Variants in TJP1 observed in about 807,000 individuals in gnomAD.
TJP1 encodes tight junction protein 1.
In TJP1, 43 loss-of-function variants were observed where a neutral mutation model predicts 194.2. The observed-to-expected ratio is 0.22, with a 90% CI of 0.17 to 0.29. The LOEUF is 0.29. Among genes scored for constraint, TJP1 ranks in the 10% least tolerant of loss-of-function variants. The pLI is 1.00. For synonymous variants in TJP1, 801 were observed against 779.0 expected, an observed-to-expected ratio of 1.03 and a Z score of -0.47; for missense variants, 1,971 against 2,185.7, an observed-to-expected ratio of 0.90 and a Z score of 1.96.
chr15:29,932,616 T>G, intron 2 of TJP1, among the ~76,000 whole-genome samples: 1 of 152,090 alleles, frequency 6.6e-6, no homozygotes, highest in Admixed American at 6.5e-5. Flanking sequence ...AAAAGACTGA[T>G]AAAATGACTA....
intron 2 of TJP1, 78 bp downstream of exon 2, chr15:29,800,568 T>C: frequency 1.4e-6 from 2 of 1,441,414 alleles, no homozygotes; most frequent in Non-Finnish European, 1.9e-6. Flanking sequence ...CTTCCTGACA[T>C]CTGGCTTTCC....
chr15:29,846,414 G>A (rs1219549630), intron 2 of TJP1, among the ~76,000 whole-genome samples: 1 of 152,052 alleles, frequency 6.6e-6, no homozygotes, highest in Non-Finnish European at 1.5e-5. Flanking sequence ...GAAAGCTTTC[G>A]GTTAATAACT....
intron 1 of TJP1, among the ~76,000 whole-genome samples, chr15:29,801,048 C>T (rs2048749694): frequency 6.6e-6 from 1 of 152,186 alleles, no homozygotes; most frequent in Non-Finnish European, 1.5e-5. Context: ...GGCACGTAAA[C>T]ATTTAAAAGC....
chr15:29,841,369 T>C (rs939642904), intron 2 of TJP1, among the ~76,000 whole-genome samples: 1 of 152,244 alleles, frequency 6.6e-6, no homozygotes, highest in Admixed American at 6.5e-5. Context: ...CTTGTTCATA[T>C]GTTTACAAAC....
intron 2 of TJP1, among the ~76,000 whole-genome samples, chr15:29,937,514 T>C (rs1423126285): frequency 6.6e-6 from 1 of 152,152 alleles, no homozygotes; most frequent in Non-Finnish European, 1.5e-5. Flanking sequence ...AAGCAACTAG[T>C]TCTAAAGTAA....
chr15:29,853,970 G>A (rs1464612580), intron 2 of TJP1, among the ~76,000 whole-genome samples: 2 of 152,052 alleles, frequency 1.3e-5, no homozygotes, highest in East Asian at 1.9e-4. Flanking sequence ...TACTTTCACC[G>A]CATCACCACT....
Position 29,719,992 on chromosome 15 carries a change from G to C in TJP1, c.2788C>G (p.Pro930Ala), listed in dbSNP as rs372514390. 6.2e-7 allele frequency: 1 copy of C among 1,611,170 alleles called. No homozygotes were observed. Among genetic ancestry groups the C allele is most frequent in the African/African-American group, 1.3e-5 (1 of 74,734 alleles). The change falls in exon 20 of 28, where the codon CCT becomes GCT. Residue 930 changes from proline (P) to alanine (A), a missense_variant. Pro to Ala is a conservative substitution (Grantham distance 27, BLOSUM62 -1). Transcript: ENST00000614355. ...GGGTTTGTTTCAGGCGAAAGGTAAG[G>C]GACTGGAGATGAAGCTTCTGCTTTC... Reference protein sequence around the residue: ...QQKAEASSPVPYLSPETNPAS... With the variant: ...QQKAEASSPVAYLSPETNPAS...
Position 29,772,047 on chromosome 15 carries a change from A to G in TJP1, c.312+17T>C. 5.3e-6 allele frequency: 8 copies of G among 1,523,080 alleles called. No homozygotes were observed. The highest frequency in any genetic ancestry group is 6.3e-6 in the Non-Finnish European group (7 of 1,113,932). 94.3% of individuals were successfully genotyped at this position (1,523,080 alleles called of 1,614,324 possible). ...AGTTGGGGTACCTTTACTAAATTAC[A>G]GAGAAAAGATACTTACAATTTTTGC... On this transcript the variant is annotated intron_variant, in intron 4 of 27. Coordinates refer to ENST00000614355, the MANE Select transcript of TJP1 (RefSeq NM_001330239.4).
intron 2 of TJP1, among the ~76,000 whole-genome samples, chr15:29,919,503 C>T (rs559802232): frequency 6.6e-6 from 1 of 152,062 alleles, no homozygotes; most frequent in Non-Finnish European, 1.5e-5. Flanking sequence ...CATTCTAAGG[C>T]GGGAGAGGGA....
chr15:29,762,357 T>C lies in TJP1; in HGVS notation c.671A>G (p.Gln224Arg), dbSNP rs369333046. 7 of 1,613,336 alleles carry C rather than the reference T, an allele frequency of 4.3e-6. No homozygotes were observed. The South Asian group carries it at 6.6e-5, about 15-fold the overall frequency. Residue 224 changes from glutamine (Q) to arginine (R), a missense_variant, in exon 6 of 28, where the codon CAA (glutamine) becomes CGA (arginine). This residue lies in a region of TJP1 where 245 missense variants were observed against 336.6 expected (regional missense o/e 0.73). Coordinates refer to ENST00000614355, the MANE Select transcript of TJP1 (RefSeq NM_001330239.4). ...DSLAARDGNI[Q>R]EGDVVLKING... ...TACCTTCAATACAACATCACCTTCT[T>C]GAATATTGCCATCTCTTGCTGCCAA...
At chr15:29,866,983 G>C (rs1428221200) in intron 2 of TJP1, among the ~76,000 whole-genome samples, 1 of 152,210 alleles carries the variant, frequency 6.6e-6, no homozygotes, top group Non-Finnish European at 1.5e-5. Flanking sequence ...TCTTCACTCA[G>C]TTCCAGTTTC....
At chr15:29,821,770 G>A (rs969339327) in intron 1 of TJP1, among the ~76,000 whole-genome samples, 28 of 150,362 alleles carry the variant, frequency 1.9e-4, no homozygotes, top group African/African-American at 6.5e-4. Flanking sequence ...CGGCGGCCGG[G>A]CGCCCGCAGC....
intron 2 of TJP1, among the ~76,000 whole-genome samples, chr15:29,846,319 G>A (rs1002622057): frequency 3.9e-5 from 6 of 152,120 alleles, no homozygotes; most frequent in Admixed American, 6.5e-5. Context: ...TTCTAGGATG[G>A]CACCATGCTC....
In TJP1 at chr15:29,791,096, G is replaced by A. The variant is rs1161592093; in HGVS notation, c.84+9550C>T. ...GGCTGGAGTGCAATGGCGCGATTTC[G>A]GCTCACTGCAATCTCTGCCTCCCGG... On this transcript the variant is annotated intron_variant, in intron 2 of 27. Coordinates refer to ENST00000614355, the MANE Select transcript of TJP1 (RefSeq NM_001330239.4). Among the ~76,000 whole-genome samples, 3 of 150,746 alleles carry A rather than the reference G, an allele frequency of 2.0e-5. 1 individual carries two copies. Among genetic ancestry groups the A allele is most frequent in the Non-Finnish European group, 4.5e-5 (3 of 67,240 alleles).
At chr15:29,792,127 A>C (rs2048135424) in intron 2 of TJP1, among the ~76,000 whole-genome samples, 1 of 152,144 alleles carries the variant, frequency 6.6e-6, no homozygotes, top group Non-Finnish European at 1.5e-5. Context: ...GCTTGATGTG[A>C]TCCCACTGTC....
exon 2 of TJP1, chr15:29,956,332 G>A: frequency 7.8e-7 from 1 of 1,288,902 alleles, no homozygotes; most frequent in Non-Finnish European, 1.0e-6. Flanking sequence ...ACTAGAAGTA[G>A]CACCATTAGG....
chr15:29,705,771 G>A (rs902161099), intron 25 of TJP1, 26 bp from the exon 26 acceptor site: 2 of 1,603,612 alleles, frequency 1.2e-6, no homozygotes, highest in South Asian at 1.1e-5. Context: ...TGGCTAGTGA[G>A]TGAATTCCTA....
intron 2 of TJP1, among the ~76,000 whole-genome samples, chr15:29,779,666 C>T (rs1464324552): frequency 2.0e-5 from 3 of 152,158 alleles, no homozygotes; most frequent in Non-Finnish European, 4.4e-5. Context: ...AACTTTAATT[C>T]TATTTCCCTT....
In TJP1 at chr15:29,822,109, C is replaced by G; in HGVS notation, c.-81G>C. 3.3e-6 allele frequency: 4 copies of G among 1,226,746 alleles called. No individual in the cohort carries two copies. Among genetic ancestry groups the G allele is most frequent in the Non-Finnish European group, 4.1e-6 (4 of 982,058 alleles). The allele number at this position is 1,226,746 out of a possible 1,614,324, so 76.0% of individuals were successfully genotyped here. Reference sequence around the variant, plus strand: ...GGCCCGCCCGCTCCTCACGCCACAGCCCAAATAAACATCTCCCGAGAGCGA... The same window carrying G: ...GGCCCGCCCGCTCCTCACGCCACAGGCCAAATAAACATCTCCCGAGAGCGA... On this transcript the variant is annotated 5_prime_UTR_variant, in exon 1 of 28. Transcript: ENST00000614355.
Sources: allele counts gnomAD v4.1 joint callset (sites outside exome capture counted in the v4.1 genomes callset), GRCh38; gene constraint gnomAD v4.1.1; regional missense constraint gnomAD v4.1.1; transcripts MANE v1.5; gene names NCBI Gene and HGNC (gene_info 2026-07-23, HGNC 2026-07-21).